The following DSCAM variants were observed in gnomAD, a reference collection of about 807,000 sequenced individuals.
DSCAM encodes DS cell adhesion molecule, also known as cell adhesion molecule DSCAM.
Under a neutral mutation model 217.7 loss-of-function variants are expected in DSCAM, and 47 were observed. The ratio of observed to expected loss-of-function variants is 0.22; its 90% CI spans 0.17 to 0.28. The LOEUF (loss-of-function observed/expected upper bound fraction) is 0.28, where lower values mean the gene tolerates loss of function less well. Ranked by LOEUF, DSCAM falls within the 10% of genes least tolerant of loss-of-function variation. DSCAM has a pLI of 1.00. For synonymous variants in DSCAM, 1,056 were observed against 1,015.3 expected (o/e 1.04, Z -0.76); for missense variants, 2,080 against 2,618.3 (o/e 0.79, Z 4.49).
chr21:40,453,188 C>T (rs571032416), intron 3 of DSCAM, among the ~76,000 whole-genome samples: 4 of 151,960 alleles, frequency 2.6e-5, no homozygotes, highest in Non-Finnish European at 4.4e-5. Context: ...TAATGTATAA[C>T]CTTTTTATCT....
At chr21:40,798,830 C>G (rs181179368) in intron 1 of DSCAM, among the ~76,000 whole-genome samples, 2 of 152,104 alleles carry the variant, frequency 1.3e-5, no homozygotes, top group East Asian at 3.9e-4. Context: ...TTCACCCATT[C>G]AGTATATATT....
chr21:40,141,607 G>C (rs375939012), intron 18 of DSCAM, among the ~76,000 whole-genome samples: 1 of 152,076 alleles, frequency 6.6e-6, no homozygotes, highest in Non-Finnish European at 1.5e-5. Context: ...GACAGAGGGA[G>C]ACCCTGTCTC....
chr21:40,489,774 CAAAAAAAAAAAAAAAAA>C (rs35247505), intron 3 of DSCAM, among the ~76,000 whole-genome samples: 1 of 47,178 alleles, frequency 2.1e-5, no homozygotes, highest in South Asian at 1.5e-3. Context: ...GACTCCGTCT[CAAAAAAAAAAAAAAAAA>C]AAAAAAAAAA....
At position 40,499,680 on chromosome 21, in the gene DSCAM, T is replaced by C. The variant is rs554063298; in HGVS notation, c.509-130435A>G. Among the ~76,000 whole-genome samples, 438 of 152,358 alleles carry C rather than the reference T, an allele frequency of 2.9e-3. 7 individuals are homozygous for C. The highest frequency in any genetic ancestry group is 5.7e-4 in the Non-Finnish European group (39 of 68,034). ...TTGGGTTAAAGAAGCAGAAATGCAATTAAATTTAGCAAATATTTTTTGAAA... is the reference window on the plus strand; with the variant it reads ...TTGGGTTAAAGAAGCAGAAATGCAACTAAATTTAGCAAATATTTTTTGAAA... On this transcript the variant is annotated intron_variant, in intron 3 of 32. Transcript: ENST00000400454.
In DSCAM at chr21:40,168,635, A is replaced by C. The variant is rs369211205; in HGVS notation, c.2948-1347T>G. Among the ~76,000 whole-genome samples the C allele has an allele frequency of 9.8e-5, 15 of 152,356 alleles. No individual in the cohort carries two copies. In the South Asian group the frequency reaches 1.2e-3, roughly 13 times the overall value. ...ACACGGGAGATAAGAAAGCTGAAGTAGTGGATATGAACTCATTTTGGGGAG... is the reference window on the plus strand; with the variant it reads ...ACACGGGAGATAAGAAAGCTGAAGTCGTGGATATGAACTCATTTTGGGGAG... On this transcript the variant is annotated intron_variant, in intron 15 of 32. Coordinates refer to ENST00000400454, the MANE Select transcript of DSCAM (RefSeq NM_001389.5).
intron 3 of DSCAM, among the ~76,000 whole-genome samples, chr21:40,552,519 T>C (rs905342953): frequency 6.6e-6 from 1 of 152,188 alleles, no homozygotes; most frequent in African/African-American, 2.4e-5. Context: ...GGGAAACATC[T>C]AGAATGTGCC....
Position 40,607,829 on chromosome 21 carries a change from G to C in DSCAM, c.508+84981C>G, listed in dbSNP as rs538138457. On this transcript the variant is annotated intron_variant, in intron 3 of 32. Transcript: ENST00000400454. ...TTTTCTTTATAAATTACCCTGTCTC[G>C]GGTATGTCTTTATCAGCAGCAAGGT... 5.9e-5 allele frequency among the ~76,000 whole-genome samples: 9 copies of C among 152,260 alleles called. No individual in the cohort carries two copies. In the East Asian group the frequency reaches 1.7e-3, roughly 29 times the overall value.
chr21:40,433,947 G>A lies in DSCAM; in HGVS notation c.509-64702C>T, dbSNP rs567743246. Among the ~76,000 whole-genome samples the A allele has an allele frequency of 2.1e-4, 32 of 152,266 alleles. 1 individual carries two copies. In the South Asian group the frequency reaches 5.2e-3, roughly 25 times the overall value. ...ATCTGAAGTGGATAATATCACCTGCGTTGGGCGATGTCACCTGAGGCAGCT... is the reference window on the plus strand; with the variant it reads ...ATCTGAAGTGGATAATATCACCTGCATTGGGCGATGTCACCTGAGGCAGCT... On this transcript the variant is annotated intron_variant, in intron 3 of 32. Transcript: ENST00000400454.
At chr21:40,763,371 A>G (rs13048507) in intron 1 of DSCAM, among the ~76,000 whole-genome samples, 45,175 of 152,024 alleles carry the variant, frequency 0.3, 7,704 homozygotes, top group East Asian at 0.4. Context: ...AAATACCTGG[A>G]ATTACAACTT....
intron 3 of DSCAM, among the ~76,000 whole-genome samples, chr21:40,620,726 T>G (rs1030635636): frequency 4.6e-5 from 7 of 152,232 alleles, no homozygotes; most frequent in Non-Finnish European, 7.3e-5. Flanking sequence ...CAGCTTTTTA[T>G]AGAATTAAAC....
chr21:40,421,321 A>G (rs894806561), intron 3 of DSCAM, among the ~76,000 whole-genome samples: 2 of 152,334 alleles, frequency 1.3e-5, no homozygotes, highest in East Asian at 1.9e-4. Flanking sequence ...GAAACTAAGC[A>G]TACAGTACCT....
intron 32 of DSCAM, among the ~76,000 whole-genome samples, chr21:40,030,491 A>T (rs1379035408): frequency 6.6e-6 from 1 of 152,178 alleles, no homozygotes; most frequent in African/African-American, 2.4e-5. Flanking sequence ...CCCTGCAAAG[A>T]TCCTTCTGGT....
Position 40,655,512 on chromosome 21 carries a change from G to T in DSCAM, c.508+37298C>A, listed in dbSNP as rs112636460. Among the ~76,000 whole-genome samples, 834 of 149,704 alleles carry T rather than the reference G, an allele frequency of 5.6e-3. 26 individuals are homozygous for T. Among genetic ancestry groups the T allele is most frequent in the Admixed American group, 0.038 (572 of 14,926 alleles). ...GGCTGGAGCACAGTGGCACAATCAC[G>T]GCTCATTACAGCCTTGACCTCCTGG... On this transcript the variant is annotated intron_variant, in intron 3 of 32. Coordinates refer to ENST00000400454, the MANE Select transcript of DSCAM (RefSeq NM_001389.5).
At chr21:40,364,496 G>A (rs938132926) in intron 4 of DSCAM, among the ~76,000 whole-genome samples, 4 of 146,724 alleles carry the variant, frequency 2.7e-5, no homozygotes, top group Admixed American at 6.9e-5. Flanking sequence ...CATGGACACA[G>A]GAAGGGGAAC....
chr21:40,625,355 C>A (rs893867348), intron 3 of DSCAM, among the ~76,000 whole-genome samples: 2 of 152,164 alleles, frequency 1.3e-5, no homozygotes, highest in African/African-American at 2.4e-5. Flanking sequence ...TACTTAAATT[C>A]TCCAGAAACC....
intron 3 of DSCAM, among the ~76,000 whole-genome samples, chr21:40,452,566 C>A (rs576835519): frequency 4.2e-4 from 64 of 152,106 alleles, no homozygotes; most frequent in African/African-American, 1.5e-3. Flanking sequence ...ATATTACCTG[C>A]CAAATAGTAT....
chr21:40,240,045 T>A lies in DSCAM; in HGVS notation c.2356+36052A>T, dbSNP rs117467569. Reference sequence around the variant, plus strand: ...CATGTGCACACAAAACACCCAGAGATCTTGTTGGAACACAAATTGCCAGGG... The same window carrying A: ...CATGTGCACACAAAACACCCAGAGAACTTGTTGGAACACAAATTGCCAGGG... On this transcript the variant is annotated intron_variant, in intron 11 of 32. Coordinates refer to ENST00000400454, the MANE Select transcript of DSCAM (RefSeq NM_001389.5). 4.6e-5 allele frequency among the ~76,000 whole-genome samples: 7 copies of A among 152,182 alleles called. No homozygotes were observed. In the East Asian group the frequency reaches 1.2e-3, roughly 25 times the overall value.
intron 32 of DSCAM, among the ~76,000 whole-genome samples, chr21:40,025,518 G>C (rs1422656391): frequency 6.7e-6 from 1 of 149,810 alleles, no homozygotes; most frequent in Non-Finnish European, 1.5e-5. Context: ...TTTTTGGTTG[G>C]TAAGCTATTG....
intron 1 of DSCAM, among the ~76,000 whole-genome samples, chr21:40,721,388 CTT>C (rs916700336): frequency 5.9e-5 from 9 of 152,196 alleles, no homozygotes; most frequent in African/African-American, 1.9e-4. Context: ...TAACATCACT[CTT>C]ATAAATATTC....
Sources: gnomAD v4.1 joint callset for allele counts (sites outside exome capture counted in the v4.1 genomes callset) on GRCh38, gnomAD v4.1.1 for gene constraint, MANE v1.5 for transcripts, NCBI Gene and HGNC (gene_info 2026-07-23, HGNC 2026-07-21) for gene names.